The following IQCM variants were observed in gnomAD, a reference collection of about 807,000 sequenced individuals.
IQCM encodes the protein IQ domain-containing protein M.
Under a neutral mutation model 57.6 loss-of-function variants are expected in IQCM, and 45 were observed. That is an observed-to-expected ratio of 0.78 (90% CI 0.62 to 1.00). IQCM has a LOEUF of 1.00. IQCM is among the 50% of genes least tolerant of loss of function. IQCM has a pLI of 0.00. For missense variants in IQCM, 468 were observed against 511.6 expected (o/e 0.91, Z 0.82); for synonymous variants, 148 against 158.9 (o/e 0.93, Z 0.51).
At chr4:149,551,960 C>G (rs1196290650) in intron 11 of IQCM, among the ~76,000 whole-genome samples, 1 of 152,050 alleles carries the variant, frequency 6.6e-6, no homozygotes, top group Non-Finnish European at 1.5e-5. Flanking sequence ...GCTTTCTGCT[C>G]TTTTCTCTAG....
chr4:149,598,427 C>T (rs973033128), intron 8 of IQCM, among the ~76,000 whole-genome samples: 3 of 151,910 alleles, frequency 2.0e-5, no homozygotes, highest in African/African-American at 7.3e-5. Context: ...AAATGCCAAG[C>T]TAGCAGAAAT....
At chr4:149,686,822 C>A (rs1376330916) in intron 5 of IQCM, among the ~76,000 whole-genome samples, 4 of 151,380 alleles carry the variant, frequency 2.6e-5, no homozygotes, top group African/African-American at 9.7e-5. Context: ...CATCACAAAG[C>A]TTAGTTCTTA....
Position 149,577,241 on chromosome 4 carries a change from T to A in IQCM, c.749+10689A>T, listed in dbSNP as rs185346219. ...CAGAAGCTCTTTAGTTTAATTATGA[T>A]TGATTTGCCAATTTTTGTTTTTGCA... is the stretch of plus-strand genomic sequence containing the variant. On this transcript the variant is annotated intron_variant, in intron 9 of 13. Coordinates refer to ENST00000636793, the MANE Select transcript of IQCM (RefSeq NM_001363507.2). Among the ~76,000 whole-genome samples the A allele has an allele frequency of 1.8e-4, 27 of 151,984 alleles. No individual in the cohort carries two copies. The East Asian group carries it at 3.5e-3, about 20-fold the overall frequency.
chr4:149,588,028 G>A, intron 8 of IQCM, 31 bp from the exon 9 acceptor site: 1 of 1,029,792 alleles, frequency 9.7e-7, no homozygotes, highest in Non-Finnish European at 1.2e-6. Flanking sequence ...GTTGACATAA[G>A]TAGAAAAACA....
intron 12 of IQCM, among the ~76,000 whole-genome samples, chr4:149,505,063 C>T (rs549395953): frequency 6.6e-6 from 1 of 152,238 alleles, no homozygotes; most frequent in South Asian, 2.1e-4. Context: ...ATAAGCCACC[C>T]TGTCTATAGT....
At chr4:149,680,204 A>G (rs1762077699) in intron 7 of IQCM, among the ~76,000 whole-genome samples, 1 of 151,466 alleles carries the variant, frequency 6.6e-6, no homozygotes, top group South Asian at 2.1e-4. Flanking sequence ...AGCATTTGGA[A>G]AGAATGATTT....
At chr4:149,355,579 T>A (rs1014650565) in intron 13 of IQCM, among the ~76,000 whole-genome samples, 6 of 152,192 alleles carry the variant, frequency 3.9e-5, no homozygotes, top group Admixed American at 2.6e-4. Context: ...GAACTCATCA[T>A]TTTTTATAGC....
intron 11 of IQCM, among the ~76,000 whole-genome samples, chr4:149,551,989 G>A (rs548081314): frequency 1.3e-5 from 2 of 152,098 alleles, no homozygotes; most frequent in East Asian, 1.9e-4. Context: ...CTGTTGGGCT[G>A]GGCTGGATGA....
intron 13 of IQCM, among the ~76,000 whole-genome samples, chr4:149,424,626 A>C (rs1464334111): frequency 6.6e-6 from 1 of 151,864 alleles, no homozygotes; most frequent in Non-Finnish European, 1.5e-5. Flanking sequence ...TATATTATAC[A>C]TGATATACTA....
intron 7 of IQCM, among the ~76,000 whole-genome samples, chr4:149,647,836 T>C (rs770775028): frequency 2.6e-5 from 4 of 152,176 alleles, no homozygotes; most frequent in Admixed American, 2.0e-4. Flanking sequence ...GCCTTTGCCA[T>C]ATCCACAAGA....
chr4:149,405,833 A>G (rs1411422815), intron 13 of IQCM, among the ~76,000 whole-genome samples: 3 of 146,060 alleles, frequency 2.1e-5, no homozygotes, highest in African/African-American at 7.5e-5. Context: ...AGGAGCATAT[A>G]TATATATATA....
intron 7 of IQCM, among the ~76,000 whole-genome samples, chr4:149,654,313 G>T (rs976294099): frequency 6.6e-6 from 1 of 152,074 alleles, no homozygotes; most frequent in Admixed American, 6.5e-5. Context: ...ATGGGGTGTG[G>T]TAGGAGGTGT....
At chr4:149,613,622 G>A (rs1342468502) in intron 8 of IQCM, among the ~76,000 whole-genome samples, 1 of 151,794 alleles carries the variant, frequency 6.6e-6, no homozygotes, top group Non-Finnish European at 1.5e-5. Flanking sequence ...ACAATGTGCA[G>A]GTTAGTTACA....
At chr4:149,472,779 G>C (rs1224660364) in intron 12 of IQCM, among the ~76,000 whole-genome samples, 1 of 152,006 alleles carries the variant, frequency 6.6e-6, no homozygotes, top group Non-Finnish European at 1.5e-5. Flanking sequence ...CAGAGATATA[G>C]ATCAATGGAA....
At chr4:149,781,344 GA>G (rs1771586240) in intron 2 of IQCM, among the ~76,000 whole-genome samples, 1 of 152,128 alleles carries the variant, frequency 6.6e-6, no homozygotes, top group Non-Finnish European at 1.5e-5. Flanking sequence ...GTAGCATGAT[GA>G]AATCTCATGC....
intron 7 of IQCM, among the ~76,000 whole-genome samples, chr4:149,628,291 C>G (rs531410121): frequency 6.6e-6 from 1 of 151,460 alleles, no homozygotes; most frequent in South Asian, 2.2e-4. Context: ...AAATAGAAGC[C>G]AAAACAATAA....
chr4:149,705,779 G>A (rs1764110754), intron 5 of IQCM, among the ~76,000 whole-genome samples: 1 of 151,832 alleles, frequency 6.6e-6, no homozygotes, highest in South Asian at 2.1e-4. Context: ...TTGGGTTATG[G>A]AGAGTTAAGG....
chr4:149,545,925 C>T (rs909931023), intron 12 of IQCM, among the ~76,000 whole-genome samples: 1 of 152,050 alleles, frequency 6.6e-6, no homozygotes, highest in Non-Finnish European at 1.5e-5. Flanking sequence ...CCCGTTAACT[C>T]GTCCTTTACA....
At chr4:149,690,380 G>T (rs1762858310) in intron 5 of IQCM, among the ~76,000 whole-genome samples, 1 of 151,904 alleles carries the variant, frequency 6.6e-6, no homozygotes, top group Non-Finnish European at 1.5e-5. Context: ...ACATGTGGAT[G>T]CAAAGGCATA....
Sources: allele counts gnomAD v4.1 joint callset (sites outside exome capture counted in the v4.1 genomes callset), GRCh38; gene constraint gnomAD v4.1.1; transcripts MANE v1.5; gene names NCBI Gene and HGNC (gene_info 2026-07-23, HGNC 2026-07-21).